TRAF7: variants seen among roughly 807,000 people sequenced by gnomAD.
TRAF7 encodes E3 ubiquitin-protein ligase TRAF7.
Under a neutral mutation model 89.3 loss-of-function variants are expected in TRAF7, and 45 were observed. The ratio of observed to expected loss-of-function variants is 0.50; its 90% CI spans 0.40 to 0.65. TRAF7 has a LOEUF of 0.65. TRAF7 is among the 30% of genes least tolerant of loss of function. The probability of loss-of-function intolerance (pLI) is 0.00; values close to 1 mark genes in which losing one functional copy is unlikely to be tolerated. For synonymous variants in TRAF7, 406 were observed against 369.2 expected (o/e 1.10, Z -1.14); for missense variants, 677 against 918.1 (o/e 0.74, Z 3.39).
Position 2,161,521 on chromosome 16 carries a change from C to T in TRAF7, c.-38-2362C>T, listed in dbSNP as rs948051021. 6.6e-5 allele frequency among the ~76,000 whole-genome samples: 10 copies of T among 152,138 alleles called. No individual in the cohort carries two copies. Among genetic ancestry groups the T allele is most frequent in the African/African-American group, 1.7e-4 (7 of 41,418 alleles). Reference sequence around the variant, plus strand: ...CTGGGGTCCTGGCCACCTGGGCCCCCGGGCAGGCATCACTGGCAGGGCTTG... The same window carrying T: ...CTGGGGTCCTGGCCACCTGGGCCCCTGGGCAGGCATCACTGGCAGGGCTTG... On this transcript the variant is annotated intron_variant, in intron 1 of 20. Transcript: ENST00000326181. The surrounding 1 kb of genome is among the most constrained non-coding windows in gnomAD (Gnocchi z 5.2).
rs1022572987 is a variant in TRAF7 at position 2,161,633 on chromosome 16, G to T, written c.-38-2250G>T. ...GGTCAGTGTCTCCTAGTGGCTGCCC[G>T]GTGATCCCCTCCCTGCTCCCAGAGG... On this transcript the variant is annotated intron_variant, in intron 1 of 20. Transcript: ENST00000326181. The surrounding 1 kb of genome is among the most constrained non-coding windows in gnomAD (Gnocchi z 5.2). Among the ~76,000 whole-genome samples, 2 of 152,112 alleles carry T rather than the reference G, an allele frequency of 1.3e-5. No individual in the cohort carries two copies. Among genetic ancestry groups the T allele is most frequent in the East Asian group, 1.9e-4 (1 of 5,160 alleles).
intron 14 of TRAF7, among the ~76,000 whole-genome samples, chr16:2,174,541 C>T (rs937500566): frequency 4.6e-5 from 7 of 152,152 alleles, no homozygotes; most frequent in African/African-American, 1.7e-4. Flanking sequence ...TTGTGTGTTC[C>T]CAATACCTGG....
chr16:2,172,249 C>G lies in TRAF7; in HGVS notation c.534C>G (p.Ala178=). The stretch of plus-strand genomic sequence containing the variant: ...TGGTGGTGAACAACATCGCGGTGGC[C>G]GAGCAGATCGGGGAGCTCTTCATCC... ...LTVVVNNIAV[A]EQIGELFIHC... is the part of the protein sequence containing the mutation. The change falls in exon 8 of 21, where the codon GCC becomes GCG. Residue 178 remains alanine (A), a synonymous_variant. Transcript: ENST00000326181. 2 of 1,613,012 alleles carry G rather than the reference C, an allele frequency of 1.2e-6. No homozygotes were observed. The highest frequency in any genetic ancestry group is 1.7e-6 in the Non-Finnish European group (2 of 1,179,988).
chr16:2,165,761 G>T (rs546376286), intron 2 of TRAF7, 118 bp from the exon 3 acceptor site: 2 of 1,154,374 alleles, frequency 1.7e-6, no homozygotes, highest in African/African-American at 1.5e-5. Flanking sequence ...GCATGGTTAA[G>T]TGTGTGAGTG....
intron 2 of TRAF7, among the ~76,000 whole-genome samples, chr16:2,164,275 G>A (rs897772735): frequency 7.3e-5 from 11 of 150,304 alleles, no homozygotes; most frequent in South Asian, 4.2e-4. Flanking sequence ...CGGCCTGGTC[G>A]CATGGTTAAG....
intron 15 of TRAF7, 40 bp from the exon 16 acceptor site, chr16:2,175,261 G>A: frequency 6.2e-7 from 1 of 1,612,606 alleles, no homozygotes; most frequent in Non-Finnish European, 8.5e-7. Flanking sequence ...CCAGGTGGCA[G>A]GGCTTGGTGC....
rs899666989 is a variant in TRAF7, at chr16:2,177,130, C to T, written c.*556C>T. ...TCGTCACACCCAAGCTGCTGGCCTC[C>T]AGTCCCATCTCCCCCAACACATGTG... On this transcript the variant is annotated 3_prime_UTR_variant, in exon 21 of 21. Coordinates refer to ENST00000326181, the MANE Select transcript of TRAF7 (RefSeq NM_032271.3). 3.8e-6 allele frequency: 1 copy of T among 261,090 alleles called. No individual in the cohort carries two copies. The highest frequency in any genetic ancestry group is 7.5e-6 in the Non-Finnish European group (1 of 133,696). 16.2% of individuals were successfully genotyped at this position (261,090 alleles called of 1,614,324 possible). A position where few individuals can be genotyped will look rare whatever the true frequency, so the allele number is the denominator to read the frequency against.
rs890380760 is a variant in TRAF7, at chr16:2,177,989, C to T, written c.*1415C>T. On this transcript the variant is annotated 3_prime_UTR_variant, in exon 21 of 21. Transcript: ENST00000326181. ...TTTGTCCGGAGCTAGACTTCGTGTC[C>T]TTTCAGTTGGTAAATGGTTTTCTAT... The T allele has an allele frequency of 1.0e-5, 4 of 392,490 alleles. No homozygotes were observed. Among genetic ancestry groups the T allele is most frequent in the African/African-American group, 2.1e-5 (1 of 46,870 alleles). The allele number at this position is 392,490 out of a possible 1,614,324, so 24.3% of individuals were successfully genotyped here.
rs922316584 is a variant in TRAF7, at chr16:2,158,581, G to T, written c.-39+2723G>T. Among the ~76,000 whole-genome samples the T allele has an allele frequency of 4.6e-5, 7 of 152,226 alleles. No homozygotes were observed. The highest frequency in any genetic ancestry group is 2.9e-5 in the Non-Finnish European group (2 of 68,038). On this transcript the variant is annotated intron_variant, in intron 1 of 20. Coordinates refer to ENST00000326181, the MANE Select transcript of TRAF7 (RefSeq NM_032271.3). This position sits in a 1 kb window ranked among gnomAD's most constrained non-coding sequence, Gnocchi z 4.7. ...TGCGGTGGCACGCTGGCATGAGGGC[G>T]CTGGGTGACTGAGGGGGTCAGTGGT...
rs865798010 is a variant in TRAF7, at chr16:2,164,136, T to G, written c.81+135T>G. On this transcript the variant is annotated intron_variant, in intron 2 of 20. Transcript: ENST00000326181. Reference sequence around the variant, plus strand: ...CTCAGGGGAGCTCGGTGGGGGGGGGTGTGGTGTGTGTGTGTGTGTGTGTGC... The same window carrying G: ...CTCAGGGGAGCTCGGTGGGGGGGGGGGTGGTGTGTGTGTGTGTGTGTGTGC... The G allele has an allele frequency of 7.5e-3, 4,444 of 588,640 alleles. 16 individuals carry two copies. Among genetic ancestry groups the G allele is most frequent in the Middle Eastern group, 0.022 (49 of 2,214 alleles). The allele number at this position is 588,640 out of a possible 1,614,324, so 36.5% of individuals were successfully genotyped here.
intron 3 of TRAF7, among the ~76,000 whole-genome samples, chr16:2,167,364 G>T (rs924020275): frequency 2.6e-5 from 4 of 152,224 alleles, no homozygotes; most frequent in African/African-American, 4.8e-5. Context: ...CGTGACATCT[G>T]AGCTGGGCTG....
At chr16:2,176,498 G>A in intron 20 of TRAF7, 62 bp from the exon 21 acceptor site, 1 of 1,613,068 alleles carries the variant, frequency 6.2e-7, no homozygotes, top group Non-Finnish European at 8.5e-7. Flanking sequence ...CGTGTGGCAG[G>A]TGTGGCTGGG....
chr16:2,170,576 T>A, intron 4 of TRAF7, 38 bp from the exon 5 acceptor site: 1 of 1,530,862 alleles, frequency 6.5e-7, no homozygotes, highest in East Asian at 2.3e-5. Flanking sequence ...TCTGACCCCG[T>A]GCGGAGCCCC....
chr16:2,162,277 G>GCACT lies in TRAF7; in HGVS notation c.-38-1605_-38-1604insACTC, dbSNP rs1391337088. On this transcript the variant is annotated intron_variant, in intron 1 of 20. Coordinates refer to ENST00000326181, the MANE Select transcript of TRAF7 (RefSeq NM_032271.3). This position sits in a 1 kb window ranked among gnomAD's most constrained non-coding sequence, Gnocchi z 5.0. ...GAGGAGACAGCAGGAGTGGTAGACA[G>GCACT]CCCAGGAGCTCAGGTGCAGGGAACC... 7.8e-4 allele frequency among the ~76,000 whole-genome samples: 118 copies of GCACT among 151,524 alleles called. 1 individual carries two copies. The highest frequency in any genetic ancestry group is 3.1e-4 in the Non-Finnish European group (21 of 67,832).
intron 1 of TRAF7, among the ~76,000 whole-genome samples, chr16:2,160,623 G>A (rs144306875): frequency 6.6e-6 from 1 of 151,438 alleles, no homozygotes; most frequent in East Asian, 2.0e-4. Context: ...GGGTAGGGGG[G>A]CTGATGGGGA....
rs997469464 is a variant in TRAF7, at chr16:2,162,376, C to T, written c.-38-1507C>T. The stretch of plus-strand genomic sequence containing the variant: ...GGGGCCCCAGGCCAGACTGTGGGCA[C>T]GGTGGTGGGTGATGAGTGGCATCTT... On this transcript the variant is annotated intron_variant, in intron 1 of 20. Transcript: ENST00000326181. This position sits in a 1 kb window ranked among gnomAD's most constrained non-coding sequence, Gnocchi z 5.0. Among the ~76,000 whole-genome samples, 5 of 152,082 alleles carry T rather than the reference C, an allele frequency of 3.3e-5. No individual in the cohort carries two copies. Among genetic ancestry groups the T allele is most frequent in the South Asian group, 2.1e-4 (1 of 4,832 alleles).
rs1421638412 is a variant in TRAF7, at chr16:2,158,531, G to T, written c.-39+2673G>T. Reference sequence around the variant, plus strand: ...AGAGGGCCAGGACTGAGGGCCGTGGGACGGTGTGGGAAAGGAGGTGGCAGT... The same window carrying T: ...AGAGGGCCAGGACTGAGGGCCGTGGTACGGTGTGGGAAAGGAGGTGGCAGT... On this transcript the variant is annotated intron_variant, in intron 1 of 20. Transcript: ENST00000326181. This position sits in a 1 kb window ranked among gnomAD's most constrained non-coding sequence, Gnocchi z 4.7. Among the ~76,000 whole-genome samples the T allele has an allele frequency of 1.3e-5, 2 of 152,256 alleles. No individual in the cohort carries two copies. The highest frequency in any genetic ancestry group is 4.8e-5 in the African/African-American group (2 of 41,472).
rs139505620 is a variant in TRAF7, at chr16:2,176,198, G to A, written c.1878+18G>A. 7.7e-3 allele frequency: 12,273 copies of A among 1,602,484 alleles called. 66 individuals are homozygous for A. Among genetic ancestry groups the A allele is most frequent in the Non-Finnish European group, 8.3e-3 (9,819 of 1,178,468 alleles). On this transcript the variant is annotated intron_variant, in intron 19 of 20. Transcript: ENST00000326181. ...CCCTCAGGGTGCGTGCTGGCCCAGC[G>A]GTGGCAGGAGGCTCAGAGGGCTGGC... is the stretch of plus-strand genomic sequence containing the variant.
chr16:2,169,319 C>G (rs972439733), intron 4 of TRAF7, among the ~76,000 whole-genome samples: 1 of 152,180 alleles, frequency 6.6e-6, no homozygotes, highest in Non-Finnish European at 1.5e-5. Flanking sequence ...ACAAACACAC[C>G]TGTGTGCCGG....
Sources: allele counts gnomAD v4.1 joint callset (sites outside exome capture counted in the v4.1 genomes callset), GRCh38; gene constraint gnomAD v4.1.1; non-coding constraint Gnocchi (gnomAD v3.1); transcripts MANE v1.5; gene names NCBI Gene and HGNC (gene_info 2026-07-23, HGNC 2026-07-21).